The following ZNF69 variants were observed in gnomAD, a reference collection of about 807,000 sequenced individuals.
ZNF69 encodes zinc finger protein 69, also known as ZNF3.
Under a neutral mutation model 50.9 loss-of-function variants are expected in ZNF69, and 47 were observed. The observed-to-expected ratio is 0.92, with a 90% CI of 0.73 to 1.18. The LOEUF is 1.18. Ranked by LOEUF, ZNF69 falls within the 50% of genes most tolerant of loss-of-function variation. ZNF69 has a pLI of 0.00. For missense variants in ZNF69, 717 were observed against 675.1 expected (o/e 1.06, Z -0.69); for synonymous variants, 216 against 223.1 (o/e 0.97, Z 0.29).
chr19:11,976,917 A>G, the ZNF69 span: 3 of 1,544,468 alleles, frequency 1.9e-6, no homozygotes, highest in Non-Finnish European at 2.6e-6. Flanking sequence ...CGAGAAAGGG[A>G]TGTGATGACC....
chr19:11,953,125 CCT>C, the ZNF69 span: 3 of 152,204 alleles, frequency 2.0e-5, no homozygotes, highest in Non-Finnish European at 4.4e-5. Flanking sequence ...GGATCTAACC[CCT>C]GTCTCATCCT....
the ZNF69 span, among the ~76,000 whole-genome samples, chr19:11,973,371 C>T: frequency 1.2e-4 from 18 of 152,194 alleles, no homozygotes; most frequent in East Asian, 2.7e-3. Flanking sequence ...TGTTGCTTGA[C>T]GACTCATTTA....
At chr19:11,909,894 G>A (rs868832756), downstream of ZNF69, among the ~76,000 whole-genome samples, 3 of 151,090 alleles carry the variant, frequency 2.0e-5, no homozygotes, top group Middle Eastern at 3.2e-3. Context: ...CCTGTTTGCA[G>A]ATGACATGAT....
the ZNF69 span, chr19:11,977,164 G>T: frequency 6.2e-7 from 1 of 1,613,880 alleles, no homozygotes; most frequent in Non-Finnish European, 8.5e-7. Flanking sequence ...GACCTCTATA[G>T]GTAAGGATGA....
At chr19:11,962,608 C>G in the ZNF69 span, among the ~76,000 whole-genome samples, 1 of 152,104 alleles carries the variant, frequency 6.6e-6, no homozygotes, top group Admixed American at 6.5e-5. Context: ...TGACCCCCCC[C>G]CACCTCAGCC....
the ZNF69 span, among the ~76,000 whole-genome samples, chr19:11,957,262 T>C: frequency 1.1e-4 from 16 of 151,928 alleles, no homozygotes; most frequent in African/African-American, 3.4e-4. Flanking sequence ...CAGTTAATTT[T>C]TTCTATTTTT....
chr19:11,934,889 TAC>T, the ZNF69 span, among the ~76,000 whole-genome samples: 1 of 147,398 alleles, frequency 6.8e-6, no homozygotes, highest in African/African-American at 2.7e-5. Context: ...TTGCCATAAT[TAC>T]AGTCTTTGGT....
chr19:11,918,965 C>T (rs888220935), downstream of ZNF69, among the ~76,000 whole-genome samples: 5 of 151,290 alleles, frequency 3.3e-5, no homozygotes, highest in African/African-American at 2.4e-5. Flanking sequence ...GTGCGATCTC[C>T]GCTCACTGCA....
intron 1 of ZNF69, among the ~76,000 whole-genome samples, chr19:11,895,164 C>T (rs1213230110): frequency 6.6e-6 from 1 of 152,190 alleles, no homozygotes; most frequent in Non-Finnish European, 1.5e-5. Context: ...TTCAAATTAA[C>T]TTTACGTTGC....
At chr19:11,980,060 C>A in the ZNF69 span, 1 of 1,083,628 alleles carries the variant, frequency 9.2e-7, no homozygotes, top group Non-Finnish European at 1.4e-6. Flanking sequence ...TGGAGAGAAA[C>A]CCTATGAGTG....
the ZNF69 span, chr19:11,946,784 T>C: frequency 6.2e-6 from 1 of 161,832 alleles, no homozygotes; most frequent in Admixed American, 6.4e-5. Context: ...TGGGCTTACT[T>C]TGTGTCTGAC....
intron 4 of ZNF69, among the ~76,000 whole-genome samples, chr19:11,912,825 T>C (rs780917309): frequency 7.2e-5 from 11 of 152,242 alleles, no homozygotes; most frequent in Non-Finnish European, 1.6e-4. Flanking sequence ...ACAAGATTCT[T>C]TGAATACAGA....
chr19:11,974,381 GA>G, the ZNF69 span, among the ~76,000 whole-genome samples: 2 of 151,284 alleles, frequency 1.3e-5, no homozygotes, highest in Non-Finnish European at 2.9e-5. Context: ...ATTATTAGTA[GA>G]GATGACATTT....
chr19:11,913,350 G>T, intron 4 of ZNF69: 2 of 562,082 alleles, frequency 3.6e-6, no homozygotes, highest in South Asian at 2.4e-5. Flanking sequence ...TACTTTTCAT[G>T]CTTATGTACT....
At chr19:11,911,273 C>T (rs1396938416), downstream of ZNF69, among the ~76,000 whole-genome samples, 1 of 152,114 alleles carries the variant, frequency 6.6e-6, no homozygotes, top group Non-Finnish European at 1.5e-5. Flanking sequence ...GGTGATTCCT[C>T]AAGAATCTAG....
the ZNF69 span, among the ~76,000 whole-genome samples, chr19:11,969,178 C>A: frequency 6.6e-6 from 1 of 152,210 alleles, no homozygotes; most frequent in Non-Finnish European, 1.5e-5. Flanking sequence ...GATCTCAGCT[C>A]ACTGCAGCCT....
the ZNF69 span, chr19:11,949,866 C>A: frequency 1.2e-6 from 2 of 1,613,940 alleles, no homozygotes. Flanking sequence ...GTAGGACTCA[C>A]ACTGGAGAGA....
chr19:11,969,753 C>A, the ZNF69 span, among the ~76,000 whole-genome samples: 2 of 152,326 alleles, frequency 1.3e-5, no homozygotes, highest in Admixed American at 6.5e-5. Flanking sequence ...GAACATTTCA[C>A]ATGAGAGGAA....
At position 11,905,003 on chromosome 19, in the gene ZNF69, T is replaced by C; in HGVS notation, c.606T>C (p.Ile202=). The part of the protein sequence containing the change: ...YACKECGKTF[I]SHSSIQRHVV... ...GTAAAGAATGTGGAAAAACTTTTAT[T>C]TCCCATTCAAGCATTCAAAGACACG... The change falls in exon 4 of 4, where the codon ATT becomes ATC. Residue 202 remains isoleucine (I), a synonymous_variant. Coordinates refer to ENST00000429654, the MANE Select transcript of ZNF69 (RefSeq NM_001364730.1). The C allele has an allele frequency of 1.2e-6, 2 of 1,614,102 alleles. No homozygotes were observed. The highest frequency in any genetic ancestry group is 8.5e-7 in the Non-Finnish European group (1 of 1,180,002).
Sources: allele counts gnomAD v4.1 joint callset (sites outside exome capture counted in the v4.1 genomes callset), GRCh38; gene constraint gnomAD v4.1.1; transcripts MANE v1.5; gene names NCBI Gene and HGNC (gene_info 2026-07-23, HGNC 2026-07-21).